Variants in KCNMA1 observed in about 807,000 individuals in gnomAD.
KCNMA1 encodes the protein potassium calcium-activated channel subfamily M alpha 1, also known as Calcium-activated potassium channel subunit alpha-1.
Under a neutral mutation model 140.0 loss-of-function variants are expected in KCNMA1, and 29 were observed. The observed-to-expected ratio is 0.21, with a 90% CI of 0.15 to 0.28. The LOEUF is 0.28. KCNMA1 is among the 10% of genes least tolerant of loss of function. The pLI is 1.00. For synonymous variants in KCNMA1, 612 were observed against 611.9 expected (o/e 1.00, Z 0.00); for missense variants, 880 against 1,602.2 (o/e 0.55, Z 7.70).
chr10:77,075,742 TG>T (rs2153720716), intron 13 of KCNMA1, among the ~76,000 whole-genome samples: 1 of 152,146 alleles, frequency 6.6e-6, no homozygotes, highest in African/African-American at 2.4e-5. Flanking sequence ...AGGGAAGGAG[TG>T]AGGGTGACCT....
intron 1 of KCNMA1, among the ~76,000 whole-genome samples, chr10:77,626,083 C>T (rs2092472074): frequency 1.3e-5 from 2 of 151,878 alleles, no homozygotes; most frequent in African/African-American, 2.4e-5. Context: ...TTGTTTAATG[C>T]CCCTGCACGG....
rs560457256 is a variant in KCNMA1, at chr10:77,514,856, T to C, written c.379-110833A>G. On this transcript the variant is annotated intron_variant, in intron 1 of 27. Coordinates refer to ENST00000286628, the MANE Select transcript of KCNMA1 (RefSeq NM_001161352.2). ...GACCTTCTGCCTCTTCACTCACGTC[T>C]AGACACCATTTTTACAGAAACCAGG... 5.2e-4 allele frequency among the ~76,000 whole-genome samples: 79 copies of C among 152,322 alleles called. 2 individuals carry two copies. In the South Asian group the frequency reaches 0.016, roughly 31 times the overall value.
chr10:77,505,529 T>C (rs1419560354), intron 1 of KCNMA1, among the ~76,000 whole-genome samples: 1 of 152,234 alleles, frequency 6.6e-6, no homozygotes, highest in African/African-American at 2.4e-5. Context: ...GAGAGAGATG[T>C]TACTTCTAAC....
intron 1 of KCNMA1, among the ~76,000 whole-genome samples, chr10:77,631,884 A>G (rs988450123): frequency 6.6e-6 from 1 of 152,194 alleles, no homozygotes; most frequent in African/African-American, 2.4e-5. Context: ...AAGGCTCCCA[A>G]AGGGAGGCCA....
intron 5 of KCNMA1, among the ~76,000 whole-genome samples, chr10:77,174,694 A>C (rs963401592): frequency 2.0e-5 from 3 of 152,250 alleles, no homozygotes; most frequent in Non-Finnish European, 4.4e-5. Context: ...TGGTCCACAG[A>C]GCAGGAGAAT....
intron 9 of KCNMA1, among the ~76,000 whole-genome samples, chr10:77,093,383 T>C (rs759435090): frequency 2.6e-5 from 4 of 152,180 alleles, no homozygotes; most frequent in African/African-American, 9.6e-5. Context: ...TATATCTGAT[T>C]TGAAGATTTA....
chr10:77,067,698 T>C (rs1404471545), intron 14 of KCNMA1, among the ~76,000 whole-genome samples: 1 of 152,194 alleles, frequency 6.6e-6, no homozygotes, highest in Non-Finnish European at 1.5e-5. Flanking sequence ...TTCCTTACCC[T>C]GACTCAGCCC....
intron 1 of KCNMA1, among the ~76,000 whole-genome samples, chr10:77,621,391 GATA>G (rs2154569659): frequency 6.6e-6 from 1 of 152,178 alleles, no homozygotes; most frequent in Admixed American, 6.5e-5. Context: ...TCTCATGTGG[GATA>G]ATAAGGCATC....
intron 2 of KCNMA1, among the ~76,000 whole-genome samples, chr10:77,366,286 A>G (rs1425166020): frequency 1.3e-5 from 2 of 152,058 alleles, no homozygotes; most frequent in African/African-American, 4.8e-5. Flanking sequence ...CTCCTGTCTC[A>G]GCCCCTGGAG....
chr10:77,194,708 T>C (rs180822898), intron 3 of KCNMA1, among the ~76,000 whole-genome samples: 2 of 152,104 alleles, frequency 1.3e-5, no homozygotes, highest in African/African-American at 2.4e-5. Context: ...CTCTTGTACC[T>C]CTTGGCACAT....
At chr10:76,960,015 A>C (rs1592000787) in intron 20 of KCNMA1, among the ~76,000 whole-genome samples, 1 of 152,198 alleles carries the variant, frequency 6.6e-6, no homozygotes, top group East Asian at 1.9e-4. Flanking sequence ...CAGGGTGCCC[A>C]CCTCATACCC....
At chr10:77,618,729 C>T (rs2090395119) in intron 1 of KCNMA1, among the ~76,000 whole-genome samples, 1 of 152,344 alleles carries the variant, frequency 6.6e-6, no homozygotes. Context: ...TAACAATACC[C>T]TATGTTCTGT....
chr10:77,361,255 T>C (rs1372268654), intron 2 of KCNMA1, among the ~76,000 whole-genome samples: 1 of 152,158 alleles, frequency 6.6e-6, no homozygotes, highest in African/African-American at 2.4e-5. Context: ...GTCATCGTCA[T>C]CATCATCATC....
Position 77,144,234 on chromosome 10 carries a change from C to T in KCNMA1, c.809-23186G>A, listed in dbSNP as rs147868063. The stretch of plus-strand genomic sequence containing the variant: ...ATATCCCATAATGGAATATTAGCAG[C>T]AATAAAATGGAAGAAATTATTAATA... On this transcript the variant is annotated intron_variant, in intron 5 of 27. Transcript: ENST00000286628. Among the ~76,000 whole-genome samples the T allele has an allele frequency of 1.8e-3, 277 of 152,022 alleles. 2 individuals are homozygous for T. Among genetic ancestry groups the T allele is most frequent in the East Asian group, 0.011 (57 of 5,174 alleles).
chr10:76,901,427 A>G (rs2045354982), intron 25 of KCNMA1: 1 of 152,214 alleles, frequency 6.6e-6, no homozygotes, highest in African/African-American at 2.4e-5. Flanking sequence ...AAAGGGCACT[A>G]TAGGTTATCC....
At chr10:77,430,322 A>G (rs951660272) in intron 1 of KCNMA1, among the ~76,000 whole-genome samples, 2 of 152,212 alleles carry the variant, frequency 1.3e-5, no homozygotes, top group Admixed American at 6.5e-5. Context: ...TATGTAAAAT[A>G]CAAGATTTAC....
chr10:77,220,497 A>G lies in KCNMA1; in HGVS notation c.602+30698T>C, dbSNP rs75499463. 6.7e-3 allele frequency among the ~76,000 whole-genome samples: 1,025 copies of G among 152,258 alleles called. 44 individuals carry two copies. The East Asian group carries it at 0.13, about 19-fold the overall frequency. The stretch of plus-strand genomic sequence containing the variant: ...TGGGAAAAACATTTCCTTGTCATTT[A>G]TTTTTTAAATGTCAGGAGATTTTAA... On this transcript the variant is annotated intron_variant, in intron 3 of 27. Transcript: ENST00000286628.
chr10:77,270,527 TTTC>T (rs1388954092), intron 2 of KCNMA1, among the ~76,000 whole-genome samples: 1 of 151,754 alleles, frequency 6.6e-6, no homozygotes, highest in Admixed American at 6.6e-5. Flanking sequence ...TCTCTCTCTC[TTTC>T]TTTTTTTTTT....
chr10:77,460,312 C>G (rs547252148), intron 1 of KCNMA1, among the ~76,000 whole-genome samples: 2 of 152,278 alleles, frequency 1.3e-5, no homozygotes, highest in Admixed American at 1.3e-4. Flanking sequence ...GCTCAAGTAG[C>G]CTTCCTGAAA....
Sources: gnomAD v4.1 joint callset for allele counts (sites outside exome capture counted in the v4.1 genomes callset) on GRCh38, gnomAD v4.1.1 for gene constraint, MANE v1.5 for transcripts, NCBI Gene and HGNC (gene_info 2026-07-23, HGNC 2026-07-21) for gene names.